The following PDE7B variants were observed in gnomAD, a reference collection of about 807,000 sequenced individuals.
PDE7B encodes the protein 3',5'-cyclic-AMP phosphodiesterase 7B.
Under a neutral mutation model 56.2 loss-of-function variants are expected in PDE7B, and 29 were observed. That is an observed-to-expected ratio of 0.52 (90% CI 0.38 to 0.70). PDE7B has a LOEUF of 0.70. Among genes scored for constraint, PDE7B ranks in the 30% least tolerant of loss-of-function variants. The pLI is 0.00. For missense variants in PDE7B, 490 were observed against 565.0 expected (o/e 0.87, Z 1.35); for synonymous variants, 197 against 196.9 (o/e 1.00, Z 0.00).
chr6:135,968,235 A>G (rs1184281916), intron 2 of PDE7B, among the ~76,000 whole-genome samples: 1 of 152,230 alleles, frequency 6.6e-6, no homozygotes, highest in Non-Finnish European at 1.5e-5. Flanking sequence ...ACCATTCAGG[A>G]CATAGGCACG....
intron 2 of PDE7B, among the ~76,000 whole-genome samples, chr6:135,973,433 A>G (rs911909981): frequency 3.3e-5 from 5 of 151,096 alleles, no homozygotes; most frequent in African/African-American, 9.9e-5. Context: ...TGCAATGAAC[A>G]TAGAGGTGCT....
At chr6:136,111,501 C>T (rs778421923) in intron 3 of PDE7B, among the ~76,000 whole-genome samples, 31 of 152,172 alleles carry the variant, frequency 2.0e-4, no homozygotes, top group African/African-American at 5.6e-4. Context: ...TTACTGTGGT[C>T]GCCCTCCACG....
intron 2 of PDE7B, among the ~76,000 whole-genome samples, chr6:136,010,964 G>A (rs1775882797): frequency 6.6e-6 from 1 of 152,162 alleles, no homozygotes; most frequent in African/African-American, 2.4e-5. Context: ...TTCATGCCGT[G>A]TGGGAAATTA....
At chr6:136,108,202 C>T (rs1174928013) in intron 2 of PDE7B, among the ~76,000 whole-genome samples, 4 of 151,372 alleles carry the variant, frequency 2.6e-5, no homozygotes, top group South Asian at 2.1e-4. Flanking sequence ...ACTAGAAACT[C>T]GACAGACTGT....
intron 1 of PDE7B, among the ~76,000 whole-genome samples, chr6:135,872,816 G>A (rs1775410908): frequency 6.6e-6 from 1 of 152,118 alleles, no homozygotes; most frequent in African/African-American, 2.4e-5. Context: ...AATGCATTCA[G>A]TATACATGTG....
At chr6:135,909,883 A>G (rs1330435929) in intron 1 of PDE7B, among the ~76,000 whole-genome samples, 4 of 152,092 alleles carry the variant, frequency 2.6e-5, no homozygotes, top group Admixed American at 6.5e-5. Flanking sequence ...CGGCAAACGC[A>G]GGTGTGATCT....
At chr6:136,185,094 C>A (rs1177253529) in intron 11 of PDE7B, among the ~76,000 whole-genome samples, 1 of 152,102 alleles carries the variant, frequency 6.6e-6, no homozygotes. Flanking sequence ...ATATGGTGTT[C>A]TGGCCTGCCC....
intron 2 of PDE7B, among the ~76,000 whole-genome samples, chr6:136,045,338 C>A (rs1192430950): frequency 6.6e-6 from 1 of 152,104 alleles, no homozygotes; most frequent in African/African-American, 2.4e-5. Context: ...GCCAAAAGAC[C>A]ACCCCAAGAA....
chr6:135,916,388 C>CTTTTTTTTTTT (rs1242651132), intron 1 of PDE7B, among the ~76,000 whole-genome samples: 1 of 83,292 alleles, frequency 1.2e-5, no homozygotes. Context: ...CTTTTCTTTT[C>CTTTTTTTTTTT]TTTCTTTTTT....
At position 136,192,639 on chromosome 6, in the gene PDE7B, T is replaced by C. The variant is rs1246869798; in HGVS notation, c.*799T>C. On this transcript the variant is annotated 3_prime_UTR_variant, in exon 13 of 13. Transcript: ENST00000308191. ...TTCACCCATGTACATTTTCTGTAAA[T>C]ACCAAACGCTACTGATTCCCATGCC... The C allele has an allele frequency of 3.3e-5, 5 of 152,642 alleles. No individual in the cohort carries two copies. Among genetic ancestry groups the C allele is most frequent in the African/African-American group, 1.2e-4 (5 of 41,452 alleles). The allele number at this position is 152,642 out of a possible 1,614,324, so 9.5% of individuals were successfully genotyped here. A position where few individuals can be genotyped will look rare whatever the true frequency, so the allele number is the denominator to read the frequency against.
At chr6:136,141,544 C>T (rs1300569223) in intron 3 of PDE7B, among the ~76,000 whole-genome samples, 1 of 152,146 alleles carries the variant, frequency 6.6e-6, no homozygotes, top group African/African-American at 2.4e-5. Context: ...AGGAATGGTA[C>T]CAGCTCCTCC....
intron 1 of PDE7B, among the ~76,000 whole-genome samples, chr6:135,877,362 T>C (rs2128188005): frequency 6.6e-6 from 1 of 150,456 alleles, no homozygotes; most frequent in East Asian, 1.9e-4. Context: ...ACATTCCTTT[T>C]TTTTTTTTTT....
chr6:136,031,176 TA>T (rs952787636), intron 2 of PDE7B, among the ~76,000 whole-genome samples: 1 of 152,206 alleles, frequency 6.6e-6, no homozygotes, highest in Non-Finnish European at 1.5e-5. Context: ...CTTTCATAAA[TA>T]ACTAATATGG....
intron 12 of PDE7B, among the ~76,000 whole-genome samples, chr6:136,190,300 A>G (rs1322335266): frequency 6.6e-6 from 1 of 152,202 alleles, no homozygotes; most frequent in Admixed American, 6.5e-5. Context: ...CCTCCAGTTC[A>G]GGTTCTCTAC....
chr6:135,984,423 A>G (rs1241656131), intron 2 of PDE7B, among the ~76,000 whole-genome samples: 1 of 152,168 alleles, frequency 6.6e-6, no homozygotes, highest in East Asian at 1.9e-4. Flanking sequence ...ATTGCCATCT[A>G]ATCTCAGAGA....
chr6:136,131,328 C>T (rs1778112949), intron 3 of PDE7B, among the ~76,000 whole-genome samples: 1 of 151,828 alleles, frequency 6.6e-6, no homozygotes, highest in African/African-American at 2.4e-5. Flanking sequence ...AAGAAGAAAA[C>T]AATGCCCATG....
intron 1 of PDE7B, among the ~76,000 whole-genome samples, chr6:135,918,996 C>T (rs530513190): frequency 6.6e-6 from 1 of 152,294 alleles, no homozygotes; most frequent in African/African-American, 2.4e-5. Flanking sequence ...ATTTTAAAAA[C>T]TCCCCAAATT....
intron 2 of PDE7B, among the ~76,000 whole-genome samples, chr6:135,957,273 A>G (rs940448141): frequency 7.9e-5 from 12 of 152,154 alleles, no homozygotes; most frequent in Non-Finnish European, 1.5e-4. Context: ...ATACAGAACT[A>G]GGTTAATTCA....
chr6:136,141,517 A>G (rs888133821), intron 3 of PDE7B, among the ~76,000 whole-genome samples: 2 of 152,054 alleles, frequency 1.3e-5, no homozygotes, highest in African/African-American at 4.8e-5. Flanking sequence ...TTTTCTATTG[A>G]TTGGAATAGT....
Sources: gnomAD v4.1 joint callset for allele counts (sites outside exome capture counted in the v4.1 genomes callset) on GRCh38, gnomAD v4.1.1 for gene constraint, MANE v1.5 for transcripts, NCBI Gene and HGNC (gene_info 2026-07-23, HGNC 2026-07-21) for gene names.